NPHP4: variants seen among roughly 807,000 people sequenced by gnomAD.
The protein encoded by NPHP4 is nephrocystin 4.
Under a neutral mutation model 155.8 loss-of-function variants are expected in NPHP4, and 151 were observed. That is an observed-to-expected ratio of 0.97 (90% CI 0.85 to 1.11). NPHP4 has a LOEUF of 1.11. Ranked by LOEUF, NPHP4 falls within the 50% of genes least tolerant of loss-of-function variation. NPHP4 has a pLI of 0.00. For synonymous variants in NPHP4, 845 were observed against 816.8 expected, an observed-to-expected ratio of 1.03 and a Z score of -0.59; for missense variants, 1,956 against 1,925.7, an observed-to-expected ratio of 1.02 and a Z score of -0.29.
At chr1:5,976,694 A>G (rs1653650269) in intron 3 of NPHP4, among the ~76,000 whole-genome samples, 1 of 151,952 alleles carries the variant, frequency 6.6e-6, no homozygotes, top group Non-Finnish European at 1.5e-5. Flanking sequence ...CCAGACATAC[A>G]CTCTAGCAAG....
chr1:5,943,904 T>C (rs972043492), intron 9 of NPHP4, among the ~76,000 whole-genome samples: 10 of 151,994 alleles, frequency 6.6e-5, no homozygotes, highest in African/African-American at 1.5e-4. Context: ...CGGTCTCCAA[T>C]AGCCCAGGTG....
intron 6 of NPHP4, among the ~76,000 whole-genome samples, chr1:5,956,770 C>T (rs1270466460): frequency 6.6e-6 from 1 of 152,212 alleles, no homozygotes; most frequent in Non-Finnish European, 1.5e-5. Context: ...ATTTAAGACA[C>T]AACTTTCATG....
At chr1:5,899,567 G>A (rs891931124) in intron 16 of NPHP4, among the ~76,000 whole-genome samples, 2 of 152,194 alleles carry the variant, frequency 1.3e-5, no homozygotes, top group Non-Finnish European at 2.9e-5. Flanking sequence ...AGGTGGTTAC[G>A]CAGGTGTGTT....
rs943596549 is a variant in NPHP4, at chr1:5,864,680, G to A, written c.3817-163C>T. 8.2e-5 allele frequency: 49 copies of A among 598,064 alleles called. 1 individual carries two copies. The highest frequency in any genetic ancestry group is 4.2e-4 in the South Asian group (16 of 37,658). The allele number at this position is 598,064 out of a possible 1,614,324, so 37.0% of individuals were successfully genotyped here. A position where few individuals can be genotyped will look rare whatever the true frequency, so the allele number is the denominator to read the frequency against. ...AACCAACCCTGACATGACTGTGGCC[G>A]CGACTTGGGTCCACACCAGGCAAGT... On this transcript the variant is annotated intron_variant, in intron 27 of 29. Transcript: ENST00000378156.
intron 5 of NPHP4, among the ~76,000 whole-genome samples, chr1:5,963,607 A>AG (rs1031249254): frequency 1.3e-5 from 2 of 152,108 alleles, no homozygotes; most frequent in African/African-American, 4.8e-5. Context: ...CACCAGCTTC[A>AG]GGATTTTGCC....
chr1:5,938,920 C>T (rs1646684861), intron 9 of NPHP4, among the ~76,000 whole-genome samples: 1 of 152,192 alleles, frequency 6.6e-6, no homozygotes, highest in African/African-American at 2.4e-5. Context: ...AGGAATGTTA[C>T]ATTTTCTAGA....
intron 16 of NPHP4, among the ~76,000 whole-genome samples, chr1:5,902,665 T>C (rs115553074): frequency 0.011 from 1,733 of 152,348 alleles, 36 homozygotes; most frequent in African/African-American, 0.04. Flanking sequence ...AGTTGAACAA[T>C]TAAAACAATA....
intron 19 of NPHP4, among the ~76,000 whole-genome samples, chr1:5,878,486 CCT>C (rs1314565495): frequency 6.6e-6 from 1 of 152,232 alleles, no homozygotes; most frequent in African/African-American, 2.4e-5. Context: ...CCAACAAATA[CCT>C]CTCGTGGTCC....
At chr1:5,888,308 C>A in intron 17 of NPHP4, 2 of 984,350 alleles carry the variant, frequency 2.0e-6, no homozygotes, top group Non-Finnish European at 2.4e-6. Context: ...GTGCCCCAGG[C>A]GTGGCTGGGA....
intron 18 of NPHP4, among the ~76,000 whole-genome samples, chr1:5,886,029 A>G (rs2100833174): frequency 6.6e-6 from 1 of 152,348 alleles, no homozygotes; most frequent in African/African-American, 2.4e-5. Context: ...ATTGGAGATA[A>G]CATATAATGG....
At chr1:5,876,968 A>G in intron 20 of NPHP4, 125 bp downstream of exon 20, 1 of 663,396 alleles carries the variant, frequency 1.5e-6, no homozygotes, top group East Asian at 3.4e-5. Flanking sequence ...CGATTTTCTT[A>G]TATTCTGTCC....
intron 16 of NPHP4, among the ~76,000 whole-genome samples, chr1:5,903,100 T>C (rs1462331947): frequency 6.6e-6 from 1 of 152,244 alleles, no homozygotes; most frequent in Admixed American, 6.5e-5. Flanking sequence ...GTACAGGTTT[T>C]CTCAGATCAC....
At chr1:5,986,824 T>A (rs533734806) in intron 1 of NPHP4, among the ~76,000 whole-genome samples, 65 of 152,064 alleles carry the variant, frequency 4.3e-4, no homozygotes, top group Admixed American at 2.4e-3. Context: ...GATGGGGACA[T>A]GAAGGGATGT....
At chr1:5,978,763 C>A (rs1241964070) in intron 2 of NPHP4, among the ~76,000 whole-genome samples, 2 of 152,154 alleles carry the variant, frequency 1.3e-5, no homozygotes, top group Admixed American at 6.6e-5. Flanking sequence ...AGAACAAGTC[C>A]AGGGGACATC....
intron 23 of NPHP4, chr1:5,868,114 C>T (rs1162439796): frequency 2.9e-6 from 2 of 682,310 alleles, no homozygotes; most frequent in South Asian, 3.2e-5. Flanking sequence ...TGGGCCGGCA[C>T]CCACACAGGG....
chr1:5,864,897 G>C, intron 27 of NPHP4: 1 of 578,004 alleles, frequency 1.7e-6, no homozygotes. Context: ...CCGGCCTTTG[G>C]GGTTGGTGTG....
At chr1:5,887,137 C>G in intron 18 of NPHP4, 149 bp downstream of exon 18, 2 of 742,450 alleles carry the variant, frequency 2.7e-6, no homozygotes, top group Non-Finnish European at 4.4e-6. Context: ...GCCAAGGACA[C>G]AGGCTCCATG....
At chr1:5,960,552 T>A (rs1650115646) in intron 6 of NPHP4, among the ~76,000 whole-genome samples, 1 of 151,760 alleles carries the variant, frequency 6.6e-6, no homozygotes, top group South Asian at 2.1e-4. Context: ...CAAGGTCAAA[T>A]CCTGCTCTTC....
At chr1:5,958,058 C>T (rs899667747) in intron 6 of NPHP4, among the ~76,000 whole-genome samples, 3 of 152,192 alleles carry the variant, frequency 2.0e-5, no homozygotes, top group Admixed American at 6.5e-5. Flanking sequence ...TTAGTGAATA[C>T]GTAAAAAGTA....
Sources: allele counts gnomAD v4.1 joint callset (sites outside exome capture counted in the v4.1 genomes callset), GRCh38; gene constraint gnomAD v4.1.1; transcripts MANE v1.5; gene names NCBI Gene and HGNC (gene_info 2026-07-23, HGNC 2026-07-21).